The following MAPK10 variants were observed in gnomAD, a reference collection of about 807,000 sequenced individuals.
MAPK10 encodes JNK3 alpha protein kinase.
Under a neutral mutation model 59.3 loss-of-function variants are expected in MAPK10, and 25 were observed. The observed-to-expected ratio is 0.42, with a 90% CI of 0.31 to 0.59. The LOEUF is 0.59. MAPK10 is among the 20% of genes least tolerant of loss of function. The pLI, the probability that MAPK10 is intolerant of heterozygous loss-of-function variation, is 0.15. For missense variants in MAPK10, 351 were observed against 568.9 expected (o/e 0.62, Z 3.90); for synonymous variants, 190 against 200.5 (o/e 0.95, Z 0.44).
chr4:86,561,965 G>C (rs1760710807), intron 1 of MAPK10, among the ~76,000 whole-genome samples: 1 of 152,050 alleles, frequency 6.6e-6, no homozygotes, highest in Admixed American at 6.6e-5. Flanking sequence ...CCCCTGAAAG[G>C]CTTTCCCATC....
At chr4:86,121,649 T>A (rs1440833382) in intron 4 of MAPK10, among the ~76,000 whole-genome samples, 1 of 152,194 alleles carries the variant, frequency 6.6e-6, no homozygotes, top group East Asian at 1.9e-4. Flanking sequence ...TATTTTGATA[T>A]ATGTATACAT....
chr4:86,339,206 C>A (rs1037888079), intron 2 of MAPK10, among the ~76,000 whole-genome samples: 3 of 152,092 alleles, frequency 2.0e-5, no homozygotes, highest in Non-Finnish European at 4.4e-5. Context: ...CTTCCTGGGG[C>A]CTCAGGCAGA....
At chr4:86,553,844 G>GC (rs1464266461) in intron 1 of MAPK10, among the ~76,000 whole-genome samples, 1 of 151,502 alleles carries the variant, frequency 6.6e-6, no homozygotes, top group Non-Finnish European at 1.5e-5. Flanking sequence ...TTCTCTAAGT[G>GC]CCCCACAGTT....
intron 2 of MAPK10, among the ~76,000 whole-genome samples, chr4:86,208,271 G>A (rs1322593428): frequency 6.6e-6 from 1 of 151,150 alleles, no homozygotes; most frequent in Non-Finnish European, 1.5e-5. Flanking sequence ...CCAAAGCCGG[G>A]CAGAGACACA....
intron 1 of MAPK10, among the ~76,000 whole-genome samples, chr4:86,486,025 T>A (rs1753963493): frequency 6.6e-6 from 1 of 152,206 alleles, no homozygotes; most frequent in Non-Finnish European, 1.5e-5. Flanking sequence ...CCAGGCCAAC[T>A]AATATGGTAG....
intron 9 of MAPK10, among the ~76,000 whole-genome samples, chr4:86,074,751 G>A (rs2149013553): frequency 7.2e-6 from 1 of 138,916 alleles, no homozygotes; most frequent in African/African-American, 2.8e-5. Context: ...TAGGGTTTCT[G>A]CCGAGAGATC....
chr4:86,264,924 A>C (rs1583718527), intron 2 of MAPK10, among the ~76,000 whole-genome samples: 3 of 114,306 alleles, frequency 2.6e-5, no homozygotes, highest in African/African-American at 3.4e-5. Flanking sequence ...GTGGGGTCTC[A>C]CTCTGTCACC....
In MAPK10 at chr4:86,136,221, A is replaced by G. The variant is rs556853011; in HGVS notation, c.236+23077T>C. ...TACTCCTCGAGAAGAGCAACTCCAA[A>G]ACACATAATTGTCAGATTCACCAAA... On this transcript the variant is annotated intron_variant, in intron 4 of 13. Coordinates refer to ENST00000641462, the MANE Select transcript of MAPK10 (RefSeq NM_138982.4). 1.1e-4 allele frequency among the ~76,000 whole-genome samples: 17 copies of G among 152,186 alleles called. No homozygotes were observed. In the East Asian group the frequency reaches 2.7e-3, roughly 24 times the overall value.
chr4:86,130,744 A>G (rs189507286), intron 4 of MAPK10, among the ~76,000 whole-genome samples: 18 of 152,280 alleles, frequency 1.2e-4, no homozygotes, highest in African/African-American at 4.3e-4. Context: ...AGATTTTCAG[A>G]TAAGACACAG....
In MAPK10 at chr4:86,107,431, G is replaced by C. The variant is rs1580368007; in HGVS notation, c.237-79C>G. The C allele has an allele frequency of 2.6e-6, 4 of 1,527,286 alleles. No homozygotes were observed. The East Asian group carries it at 9.5e-5, about 36-fold the overall frequency. The allele number at this position is 1,527,286 out of a possible 1,614,324, so 94.6% of individuals were successfully genotyped here. On this transcript the variant is annotated intron_variant, in intron 4 of 13. Coordinates refer to ENST00000641462, the MANE Select transcript of MAPK10 (RefSeq NM_138982.4). Reference sequence around the variant, plus strand: ...CTTGCCTACTTGATTAAGGATACTGGTAAAGAAAATGCTATTTCGGAATCT... The same window carrying C: ...CTTGCCTACTTGATTAAGGATACTGCTAAAGAAAATGCTATTTCGGAATCT...
intron 1 of MAPK10, among the ~76,000 whole-genome samples, chr4:86,470,163 T>C (rs554429941): frequency 6.6e-6 from 1 of 152,342 alleles, no homozygotes; most frequent in African/African-American, 2.4e-5. Flanking sequence ...GCTGTTCTTA[T>C]TCTAAATCCA....
intron 2 of MAPK10, among the ~76,000 whole-genome samples, chr4:86,333,767 T>C (rs1229183906): frequency 2.6e-5 from 4 of 152,172 alleles, no homozygotes; most frequent in Non-Finnish European, 5.9e-5. Flanking sequence ...CACATATTTT[T>C]CATCTGTAAA....
chr4:86,437,676 G>A (rs1448059230), intron 1 of MAPK10, among the ~76,000 whole-genome samples: 1 of 152,080 alleles, frequency 6.6e-6, no homozygotes. Flanking sequence ...TTGAAAAGTT[G>A]TTATCATATC....
intron 1 of MAPK10, among the ~76,000 whole-genome samples, chr4:86,471,536 A>C (rs1752663672): frequency 6.6e-6 from 1 of 152,148 alleles, no homozygotes; most frequent in South Asian, 2.1e-4. Flanking sequence ...TATTTGAAAA[A>C]CAGAAATACA....
intron 1 of MAPK10, among the ~76,000 whole-genome samples, chr4:86,550,975 C>T (rs55872468): frequency 0.23 from 34,341 of 152,092 alleles, 4,607 homozygotes; most frequent in Admixed American, 0.3. Context: ...CTTGGGCACA[C>T]ATTTCATGAG....
chr4:86,318,408 G>T (rs1335049244), intron 2 of MAPK10, among the ~76,000 whole-genome samples: 1 of 152,082 alleles, frequency 6.6e-6, no homozygotes, highest in Non-Finnish European at 1.5e-5. Context: ...ACTAGAGAAA[G>T]TTTCAAATTT....
intron 2 of MAPK10, among the ~76,000 whole-genome samples, chr4:86,210,126 C>G (rs2085367009): frequency 6.6e-6 from 1 of 151,970 alleles, no homozygotes; most frequent in Admixed American, 6.6e-5. Context: ...AAATTCAAAT[C>G]AAAATAGATT....
At chr4:86,465,117 T>A (rs1579310286) in intron 1 of MAPK10, among the ~76,000 whole-genome samples, 1 of 152,228 alleles carries the variant, frequency 6.6e-6, no homozygotes, top group East Asian at 1.9e-4. Context: ...TAACTCTCTT[T>A]GGCAAATGGA....
At chr4:86,569,356 G>A (rs969185523) in intron 1 of MAPK10, among the ~76,000 whole-genome samples, 1 of 152,184 alleles carries the variant, frequency 6.6e-6, no homozygotes, top group African/African-American at 2.4e-5. Context: ...TGGTGGGAAT[G>A]TAAATTAAGT....
Sources: gnomAD v4.1 joint callset for allele counts (sites outside exome capture counted in the v4.1 genomes callset) on GRCh38, gnomAD v4.1.1 for gene constraint, MANE v1.5 for transcripts, NCBI Gene and HGNC (gene_info 2026-07-23, HGNC 2026-07-21) for gene names.